MED13L: variants seen among roughly 807,000 people sequenced by gnomAD.
The protein encoded by MED13L is mediator of RNA polymerase II transcription subunit 13-like.
Under a neutral mutation model 220.9 loss-of-function variants are expected in MED13L, and 7 were observed. That is an observed-to-expected ratio of 0.03 (90% CI 0.02 to 0.06). The LOEUF is 0.06. MED13L is among the 10% of genes least tolerant of loss of function. The probability of loss-of-function intolerance (pLI) is 1.00; values close to 1 mark genes in which losing one functional copy is unlikely to be tolerated. For synonymous variants in MED13L, 1,011 were observed against 1,015.2 expected, an observed-to-expected ratio of 1.00 and a Z score of 0.08; for missense variants, 1,965 against 2,760.5, an observed-to-expected ratio of 0.71 and a Z score of 6.46.
In MED13L at chr12:116,223,430, C is replaced by T. The variant is rs181355599; in HGVS notation, c.310+14038G>A. On this transcript the variant is annotated intron_variant, in intron 2 of 30. Coordinates refer to ENST00000281928, the MANE Select transcript of MED13L (RefSeq NM_015335.5). ...ACTATAAAATAAGATACTGCAGGCC[C>T]AGTGCGATGGATCACGCTTGTAATC... Among the ~76,000 whole-genome samples the T allele has an allele frequency of 4.6e-5, 7 of 152,178 alleles. No homozygotes were observed. In the East Asian group the frequency reaches 1.4e-3, roughly 29 times the overall value.
Position 116,019,554 on chromosome 12 carries a change from T to C in MED13L, c.821-142A>G. ...TAGGCTCCATTCTTTCATAAGTTAA[T>C]AGCTGTTTAAACATGTGTTCCAACA... On this transcript the variant is annotated intron_variant, in intron 6 of 30. Coordinates refer to ENST00000281928, the MANE Select transcript of MED13L (RefSeq NM_015335.5). 1.5e-5 allele frequency: 17 copies of C among 1,139,756 alleles called. No individual in the cohort carries two copies. In the South Asian group the frequency reaches 1.6e-4, roughly 11 times the overall value. The allele number at this position is 1,139,756 out of a possible 1,614,324, so 70.6% of individuals were successfully genotyped here. A position where few individuals can be genotyped will look rare whatever the true frequency, so the allele number is the denominator to read the frequency against.
At chr12:116,148,074 A>AAAAG (rs1377801971) in intron 2 of MED13L, among the ~76,000 whole-genome samples, 2 of 98,306 alleles carry the variant, frequency 2.0e-5, no homozygotes, top group Non-Finnish European at 4.0e-5. Flanking sequence ...AAAAAAAAAA[A>AAAAG]GAGGGGGGCG....
intron 4 of MED13L, among the ~76,000 whole-genome samples, chr12:116,078,626 T>C (rs185325482): frequency 9.2e-4 from 140 of 152,318 alleles, no homozygotes; most frequent in African/African-American, 3.2e-3. Context: ...GAACAACCTA[T>C]GCCTCTTTGC....
Position 115,959,085 on chromosome 12 carries a change from C to A in MED13L, c.*2181G>T, listed in dbSNP as rs1219003132. 1 of 152,490 alleles carries A rather than the reference C, an allele frequency of 6.6e-6. No homozygotes were observed. Among genetic ancestry groups the A allele is most frequent in the African/African-American group, 2.4e-5 (1 of 41,408 alleles). The allele number at this position is 152,490 out of a possible 1,614,324, so 9.4% of individuals were successfully genotyped here. Reference sequence around the variant, plus strand: ...TCAGATTAATTCAGTAAAAAACTCACAAGTAAAATAATGCATATTTAAGGG... The same window carrying A: ...TCAGATTAATTCAGTAAAAAACTCAAAAGTAAAATAATGCATATTTAAGGG... On this transcript the variant is annotated 3_prime_UTR_variant, in exon 31 of 31. Coordinates refer to ENST00000281928, the MANE Select transcript of MED13L (RefSeq NM_015335.5).
chr12:116,146,282 C>A (rs1258885281), intron 2 of MED13L, among the ~76,000 whole-genome samples: 2 of 152,044 alleles, frequency 1.3e-5, no homozygotes, highest in Non-Finnish European at 2.9e-5. Flanking sequence ...GCCACCATGC[C>A]CAGCTAATTT....
intron 2 of MED13L, among the ~76,000 whole-genome samples, chr12:116,153,503 C>T (rs972308052): frequency 1.3e-5 from 2 of 152,122 alleles, no homozygotes; most frequent in Non-Finnish European, 2.9e-5. Context: ...AGATATATGT[C>T]ATTAACAACA....
At chr12:116,253,512 A>G (rs1251193819) in intron 1 of MED13L, among the ~76,000 whole-genome samples, 1 of 152,086 alleles carries the variant, frequency 6.6e-6, no homozygotes, top group African/African-American at 2.4e-5. Context: ...GTACACGCCA[A>G]TATCCTTCAT....
At chr12:116,166,196 G>C (rs928795095) in intron 2 of MED13L, among the ~76,000 whole-genome samples, 3 of 151,688 alleles carry the variant, frequency 2.0e-5, no homozygotes, top group African/African-American at 7.3e-5. Flanking sequence ...AAACCTCACT[G>C]TGATGGCTAA....
intron 1 of MED13L, among the ~76,000 whole-genome samples, chr12:116,260,918 T>C (rs915486694): frequency 2.0e-5 from 3 of 152,232 alleles, no homozygotes; most frequent in South Asian, 4.1e-4. Context: ...TAAAAGTAGA[T>C]GCTCTAGGTA....
At position 115,999,887 on chromosome 12, in the gene MED13L, C is replaced by T. The variant is rs139894234; in HGVS notation, c.2570-2657G>A. On this transcript the variant is annotated intron_variant, in intron 14 of 30. Transcript: ENST00000281928. ...CAAAAAAGCAGGGATGAAATTCTACCTCCAAGAGAGTCACTTTATAAAGTG... is the reference window on the plus strand; with the variant it reads ...CAAAAAAGCAGGGATGAAATTCTACTTCCAAGAGAGTCACTTTATAAAGTG... Among the ~76,000 whole-genome samples, 519 of 152,280 alleles carry T rather than the reference C, an allele frequency of 3.4e-3. 6 individuals carry two copies. The highest frequency in any genetic ancestry group is 0.02 in the Middle Eastern group (6 of 294).
chr12:115,966,906 T>TCA (rs1346176158), intron 28 of MED13L, among the ~76,000 whole-genome samples: 1 of 152,174 alleles, frequency 6.6e-6, no homozygotes, highest in Non-Finnish European at 1.5e-5. Context: ...GTGCGGTGGC[T>TCA]CACACCTGTA....
At chr12:116,068,333 A>G (rs1213180757) in intron 4 of MED13L, among the ~76,000 whole-genome samples, 1 of 152,258 alleles carries the variant, frequency 6.6e-6, no homozygotes, top group Non-Finnish European at 1.5e-5. Flanking sequence ...TTTCTTAATA[A>G]GAGCTTTTAA....
chr12:115,968,702 G>C (rs1565983987), intron 28 of MED13L, among the ~76,000 whole-genome samples: 1 of 152,222 alleles, frequency 6.6e-6, no homozygotes, highest in East Asian at 1.9e-4. Flanking sequence ...CCTTGCATCT[G>C]TAATAGGACT....
intron 19 of MED13L, among the ~76,000 whole-genome samples, chr12:115,984,806 T>C (rs1170109119): frequency 6.6e-6 from 1 of 152,064 alleles, no homozygotes; most frequent in African/African-American, 2.4e-5. Flanking sequence ...ATCTGTTCTG[T>C]TACAGACATT....
intron 4 of MED13L, among the ~76,000 whole-genome samples, chr12:116,037,930 C>T (rs140643070): frequency 1.6e-4 from 24 of 152,190 alleles, no homozygotes; most frequent in East Asian, 3.9e-4. Flanking sequence ...GTCAGTGATG[C>T]GTGCTTGAAA....
At chr12:116,126,769 A>G (rs1337637383) in intron 2 of MED13L, among the ~76,000 whole-genome samples, 11 of 152,280 alleles carry the variant, frequency 7.2e-5, no homozygotes. Flanking sequence ...TTTCCCACTC[A>G]TATTGCATAA....
chr12:116,142,687 T>A (rs1013325121), intron 2 of MED13L, among the ~76,000 whole-genome samples: 1 of 151,544 alleles, frequency 6.6e-6, no homozygotes, highest in East Asian at 1.9e-4. Context: ...AGGCCCAGTC[T>A]CCAAAAAATA....
At chr12:116,257,413 G>C (rs1318205158) in intron 1 of MED13L, among the ~76,000 whole-genome samples, 2 of 152,156 alleles carry the variant, frequency 1.3e-5, no homozygotes, top group Non-Finnish European at 2.9e-5. Flanking sequence ...AAGTGTTGTA[G>C]GCAACTTCCT....
At chr12:116,242,048 C>CTTTTTTT (rs767214989) in intron 1 of MED13L, among the ~76,000 whole-genome samples, 88 of 106,604 alleles carry the variant, frequency 8.3e-4, no homozygotes, top group Non-Finnish European at 9.8e-4. Context: ...GTTCTTTTGT[C>CTTTTTTT]TTTTTTTTTT....
Sources: gnomAD v4.1 joint callset for allele counts (sites outside exome capture counted in the v4.1 genomes callset) on GRCh38, gnomAD v4.1.1 for gene constraint, MANE v1.5 for transcripts, NCBI Gene and HGNC (gene_info 2026-07-23, HGNC 2026-07-21) for gene names.